Variants in EPHA6 observed in about 807,000 individuals in gnomAD.
EPHA6 encodes EPH receptor A6.
A neutral mutation model predicts 112.0 loss-of-function variants in EPHA6; 50 were observed. The ratio of observed to expected loss-of-function variants is 0.45; its 90% CI spans 0.36 to 0.56. The LOEUF (loss-of-function observed/expected upper bound fraction) is 0.56, where lower values mean the gene tolerates loss of function less well. Among genes scored for constraint, EPHA6 ranks in the 20% least tolerant of loss-of-function variants. EPHA6 has a pLI of 0.00. For synonymous variants in EPHA6, 529 were observed against 490.7 expected (o/e 1.08, Z -1.03); for missense variants, 1,280 against 1,417.4 (o/e 0.90, Z 1.56).
intron 3 of EPHA6, among the ~76,000 whole-genome samples, chr3:97,094,071 A>G (rs543346065): frequency 1.3e-5 from 2 of 152,196 alleles, no homozygotes; most frequent in East Asian, 1.9e-4. Context: ...GAAAACCTAT[A>G]CTAGTCACAA....
intron 13 of EPHA6, 44 bp downstream of exon 13, chr3:97,610,898 G>T (rs749571210): frequency 1.1e-5 from 16 of 1,402,236 alleles, no homozygotes; most frequent in Non-Finnish European, 1.6e-5. Context: ...GCTATTCTCA[G>T]TTCTATATTT....
At chr3:96,882,751 T>TGG (rs2037393780) in intron 2 of EPHA6, among the ~76,000 whole-genome samples, 1 of 147,030 alleles carries the variant, frequency 6.8e-6, no homozygotes, top group South Asian at 2.2e-4. Flanking sequence ...TGTGTGTGTG[T>TGG]GTGTGTGTGT....
chr3:97,724,054 C>T (rs570646855), intron 15 of EPHA6, among the ~76,000 whole-genome samples: 1 of 152,242 alleles, frequency 6.6e-6, no homozygotes, highest in South Asian at 2.1e-4. Context: ...ATAGACAATA[C>T]AAATTTGACT....
chr3:97,732,025 T>G (rs879319625), intron 15 of EPHA6, among the ~76,000 whole-genome samples: 7 of 152,016 alleles, frequency 4.6e-5, no homozygotes, highest in Non-Finnish European at 8.8e-5. Context: ...GACTCCCCAG[T>G]GCACTCTCCG....
At chr3:97,166,856 A>C (rs2076554079) in intron 3 of EPHA6, among the ~76,000 whole-genome samples, 1 of 152,278 alleles carries the variant, frequency 6.6e-6, no homozygotes, top group African/African-American at 2.4e-5. Flanking sequence ...ATTTCTGTTC[A>C]GGGAAACAGG....
chr3:97,420,401 G>T (rs747885514), intron 6 of EPHA6, among the ~76,000 whole-genome samples: 2 of 151,882 alleles, frequency 1.3e-5, no homozygotes, highest in Non-Finnish European at 2.9e-5. Context: ...GAAATATAAT[G>T]AATTTTCCAA....
chr3:97,509,071 G>C (rs752023853), intron 10 of EPHA6, among the ~76,000 whole-genome samples: 31 of 119,752 alleles, frequency 2.6e-4, no homozygotes, highest in Non-Finnish European at 4.2e-4. Flanking sequence ...CTTTGAGCCT[G>C]TGTGTGTCTT....
intron 10 of EPHA6, among the ~76,000 whole-genome samples, chr3:97,487,397 T>C (rs2091723640): frequency 1.3e-5 from 2 of 152,232 alleles, no homozygotes; most frequent in African/African-American, 2.4e-5. Context: ...ACCTGTGACA[T>C]TTCTTACCAC....
chr3:97,264,042 T>A (rs2079589573), intron 5 of EPHA6, among the ~76,000 whole-genome samples: 1 of 152,240 alleles, frequency 6.6e-6, no homozygotes, highest in African/African-American at 2.4e-5. Context: ...GTAAATATTT[T>A]CAGCTGTGCA....
intron 14 of EPHA6, among the ~76,000 whole-genome samples, chr3:97,655,976 T>C (rs1337943889): frequency 2.0e-5 from 3 of 149,038 alleles, no homozygotes; most frequent in Non-Finnish European, 4.5e-5. Flanking sequence ...CCTCAAAATG[T>C]TTTTTTTTTA....
intron 6 of EPHA6, among the ~76,000 whole-genome samples, chr3:97,445,345 C>T (rs754225073): frequency 2.0e-5 from 3 of 152,084 alleles, no homozygotes; most frequent in South Asian, 2.1e-4. Context: ...TTGCAACCCA[C>T]GCAACTATGC....
rs568403464 is a variant in EPHA6 at position 97,740,293 on chromosome 3, A to T, written c.3128+4175A>T. Among the ~76,000 whole-genome samples the T allele has an allele frequency of 5.3e-5, 8 of 152,262 alleles. No homozygotes were observed. The East Asian group carries it at 1.2e-3, about 22-fold the overall frequency. On this transcript the variant is annotated intron_variant, in intron 16 of 17. Transcript: ENST00000389672. ...ATCCTTTAGGACAGAGTTTCAATGT[A>T]ATGGGAAAATAATGCTTTCTTCTAA... is the stretch of plus-strand genomic sequence containing the variant.
chr3:97,012,599 GTGTGTGTGTA>G (rs2044127739), intron 3 of EPHA6, among the ~76,000 whole-genome samples: 2 of 139,310 alleles, frequency 1.4e-5, no homozygotes, highest in Non-Finnish European at 3.0e-5. Flanking sequence ...GTGTGTGTGT[GTGTGTGTGTA>G]TATATATATA....
At chr3:97,038,021 C>G (rs1031784190) in intron 3 of EPHA6, among the ~76,000 whole-genome samples, 2 of 151,600 alleles carry the variant, frequency 1.3e-5, no homozygotes, top group African/African-American at 2.4e-5. Flanking sequence ...TTAAGGATTG[C>G]AATTTTTTAT....
chr3:97,008,810 T>C (rs2043977569), intron 3 of EPHA6, among the ~76,000 whole-genome samples: 1 of 152,026 alleles, frequency 6.6e-6, no homozygotes. Context: ...CCTTTTGTTG[T>C]TGTTGTTGAT....
At chr3:97,721,790 G>T (rs916237414) in intron 15 of EPHA6, among the ~76,000 whole-genome samples, 2 of 152,142 alleles carry the variant, frequency 1.3e-5, no homozygotes, top group African/African-American at 4.8e-5. Flanking sequence ...CTTTGTTTGG[G>T]GCAGTTCCTG....
At chr3:97,682,048 G>C (rs2031902291) in intron 14 of EPHA6, among the ~76,000 whole-genome samples, 1 of 152,062 alleles carries the variant, frequency 6.6e-6, no homozygotes, top group African/African-American at 2.4e-5. Context: ...ACTGATTAAA[G>C]AGATATAAGC....
At chr3:97,369,535 A>G (rs1222044783) in intron 5 of EPHA6, among the ~76,000 whole-genome samples, 1 of 152,136 alleles carries the variant, frequency 6.6e-6, no homozygotes, top group African/African-American at 2.4e-5. Flanking sequence ...TGTTCCAGAT[A>G]CTGGCGTGGG....
At chr3:96,845,681 G>GA (rs11380273) in intron 1 of EPHA6, among the ~76,000 whole-genome samples, 33,463 of 151,856 alleles carry the variant, frequency 0.22, 6,484 homozygotes, top group African/African-American at 0.49. Flanking sequence ...TTCTTGATTT[G>GA]ATTGCTGAAA....
Sources: gnomAD v4.1 joint callset for allele counts (sites outside exome capture counted in the v4.1 genomes callset) on GRCh38, gnomAD v4.1.1 for gene constraint, MANE v1.5 for transcripts, NCBI Gene and HGNC (gene_info 2026-07-23, HGNC 2026-07-21) for gene names.